The following LRIG3 variants were observed in gnomAD, a reference collection of about 807,000 sequenced individuals.
LRIG3 encodes the protein leucine rich repeats and immunoglobulin like domains 3.
A neutral mutation model predicts 114.5 loss-of-function variants in LRIG3; 76 were observed. That is an observed-to-expected ratio of 0.66 (90% CI 0.55 to 0.80). LRIG3 has a LOEUF of 0.80. Ranked by LOEUF, LRIG3 falls within the 30% of genes least tolerant of loss-of-function variation. The pLI, the probability that LRIG3 is intolerant of heterozygous loss-of-function variation, is 0.00. For missense variants in LRIG3, 1,239 were observed against 1,382.8 expected (o/e 0.90, Z 1.65); for synonymous variants, 512 against 519.8 (o/e 0.98, Z 0.20).
chr12:58,874,886 G>C (rs1204715712), intron 16 of LRIG3, among the ~76,000 whole-genome samples: 2 of 152,192 alleles, frequency 1.3e-5, no homozygotes, highest in African/African-American at 4.8e-5. Context: ...AAAGGTCCCA[G>C]ATGACCAGAA....
Position 58,887,865 on chromosome 12 carries a change from T to C in LRIG3, c.1015A>G (p.Thr339Ala). 1 of 1,613,966 alleles carries C rather than the reference T, an allele frequency of 6.2e-7. No homozygotes were observed. Among genetic ancestry groups the C allele is most frequent in the Non-Finnish European group, 8.5e-7 (1 of 1,179,886 alleles). The change falls in exon 8 of 19, where the codon ACA becomes GCA. Residue 339 changes from threonine to alanine, a missense_variant. Coordinates refer to ENST00000320743, the MANE Select transcript of LRIG3 (RefSeq NM_153377.5). ...ACTCTGTTGTTCCCAATGTGCAGTG[T>C]ATTTAGTAAGCTTAGGCCAAGGAAG... ...SSFLGLSLLNTLHIGNNRVSY... is the reference protein window; with the variant it reads ...SSFLGLSLLNALHIGNNRVSY...
intron 15 of LRIG3, 139 bp downstream of exon 15, chr12:58,877,261 A>C: frequency 2.4e-6 from 2 of 848,762 alleles, no homozygotes; most frequent in Non-Finnish European, 3.6e-6. Flanking sequence ...TTTTTAGCGA[A>C]TCATATTTCT....
intron 3 of LRIG3, among the ~76,000 whole-genome samples, chr12:58,892,079 A>T (rs532468424): frequency 6.6e-6 from 1 of 152,246 alleles, no homozygotes; most frequent in Non-Finnish European, 1.5e-5. Context: ...GTTCTTCAAA[A>T]GTCATCAATC....
rs559594619 is a variant in LRIG3, at chr12:58,878,119, G to C, written c.2084-267C>G. Among the ~76,000 whole-genome samples the C allele has an allele frequency of 1.1e-4, 16 of 152,214 alleles. No individual in the cohort carries two copies. The South Asian group carries it at 3.1e-3, about 30-fold the overall frequency. On this transcript the variant is annotated intron_variant, in intron 14 of 18. Coordinates refer to ENST00000320743, the MANE Select transcript of LRIG3 (RefSeq NM_153377.5). ...TTTTGCAAAAGTCGGGAAGCTGGTAGTAGGGGGGGAGAGTGGGAAACAAAA... is the reference window on the plus strand; with the variant it reads ...TTTTGCAAAAGTCGGGAAGCTGGTACTAGGGGGGGAGAGTGGGAAACAAAA...
chr12:58,897,306 C>G (rs953776694), intron 3 of LRIG3, among the ~76,000 whole-genome samples: 1 of 152,068 alleles, frequency 6.6e-6, no homozygotes, highest in Non-Finnish European at 1.5e-5. Context: ...GTTCTTTCAG[C>G]AAAAAGTCAG....
intron 3 of LRIG3, among the ~76,000 whole-genome samples, chr12:58,895,534 A>T (rs188304260): frequency 3.2e-4 from 48 of 152,236 alleles, no homozygotes; most frequent in Middle Eastern, 3.4e-3. Flanking sequence ...ACGGGTGGAG[A>T]GTGGAGAAAG....
chr12:58,910,532 C>G (rs117904924), intron 3 of LRIG3, among the ~76,000 whole-genome samples: 2 of 152,120 alleles, frequency 1.3e-5, no homozygotes, highest in South Asian at 4.1e-4. Flanking sequence ...GGCATGAACC[C>G]GGGCAGCGGA....
chr12:58,905,172 C>T (rs1387670620), intron 3 of LRIG3, among the ~76,000 whole-genome samples: 1 of 152,070 alleles, frequency 6.6e-6, no homozygotes, highest in Non-Finnish European at 1.5e-5. Flanking sequence ...TTTTTCTTCA[C>T]CTCAGAGCAA....
Position 58,887,832 on chromosome 12 carries a change from T to C in LRIG3, c.1048A>G (p.Ile350Val), listed in dbSNP as rs1453217452. Reference sequence around the variant, plus strand: ...AGCCCCCGGAAGGCACAATCAGCAATGTAGCTGACTCTGTTGTTCCCAATG... The same window carrying C: ...AGCCCCCGGAAGGCACAATCAGCAACGTAGCTGACTCTGTTGTTCCCAATG... ...LHIGNNRVSYIADCAFRGLSS... is the reference protein window; with the variant it reads ...LHIGNNRVSYVADCAFRGLSS... Residue 350 changes from isoleucine to valine, a missense_variant, in exon 8 of 19, where the codon ATT becomes GTT. Transcript: ENST00000320743. 2.5e-6 allele frequency: 4 copies of C among 1,613,800 alleles called. No homozygotes were observed. The highest frequency in any genetic ancestry group is 2.5e-6 in the Non-Finnish European group (3 of 1,179,782).
intron 3 of LRIG3, chr12:58,913,743 A>G: frequency 2.2e-6 from 1 of 454,746 alleles, no homozygotes; most frequent in Non-Finnish European, 3.9e-6. Flanking sequence ...TGAATCTCGA[A>G]GACCAGTTCG....
At chr12:58,884,361 T>C (rs1480064181) in intron 10 of LRIG3, among the ~76,000 whole-genome samples, 2 of 152,080 alleles carry the variant, frequency 1.3e-5, no homozygotes, top group Non-Finnish European at 2.9e-5. Context: ...GGGGTCACAG[T>C]ATACAAAGGG....
intron 1 of LRIG3, among the ~76,000 whole-genome samples, chr12:58,915,280 G>GCATA (rs1872436051): frequency 1.3e-5 from 2 of 152,122 alleles, no homozygotes. Flanking sequence ...CAAATAGTAT[G>GCATA]GCTTGAAGCT....
chr12:58,886,263 C>G, intron 9 of LRIG3, among the ~76,000 whole-genome samples: 1 of 152,054 alleles, frequency 6.6e-6, no homozygotes, highest in South Asian at 2.1e-4. Flanking sequence ...CTCTCCTTCT[C>G]TGTGGATACC....
chr12:58,900,977 G>A (rs867839102), intron 3 of LRIG3, among the ~76,000 whole-genome samples: 39 of 152,114 alleles, frequency 2.6e-4, no homozygotes, highest in African/African-American at 7.2e-4. Flanking sequence ...CCGTGCTGTC[G>A]ACATTTGTAT....
chr12:58,888,013 T>C, intron 7 of LRIG3, 81 bp from the exon 8 acceptor site: 2 of 1,272,674 alleles, frequency 1.6e-6, no homozygotes, highest in Non-Finnish European at 2.2e-6. Context: ...ACAGGTACTG[T>C]ATGAGCTACA....
chr12:58,893,143 C>T (rs1048666417), intron 3 of LRIG3, among the ~76,000 whole-genome samples: 7 of 152,110 alleles, frequency 4.6e-5, no homozygotes, highest in Non-Finnish European at 7.4e-5. Flanking sequence ...GTCAGATGGC[C>T]GACTTTCTGT....
chr12:58,893,750 C>G (rs575064453), intron 3 of LRIG3, among the ~76,000 whole-genome samples: 1 of 152,296 alleles, frequency 6.6e-6, no homozygotes, highest in East Asian at 1.9e-4. Flanking sequence ...GTTTGCATTA[C>G]TAGGATGTCC....
In LRIG3 at chr12:58,880,752, C is replaced by T; in HGVS notation, c.1630G>A (p.Ala544Thr). ...AGGTGTGCATAATTTTCCATTTCAGCATCATGCAGTAGTTCATTGTCTTTT... is the reference window on the plus strand; with the variant it reads ...AGGTGTGCATAATTTTCCATTTCAGTATCATGCAGTAGTTCATTGTCTTTT... ...WKKDNELLHD[A>T]EMENYAHLRA... The change falls in exon 13 of 19, where the codon GCT (alanine) becomes ACT (threonine). Residue 544 changes from alanine to threonine, a missense_variant. Coordinates refer to ENST00000320743, the MANE Select transcript of LRIG3 (RefSeq NM_153377.5). 6.2e-7 allele frequency: 1 copy of T among 1,614,232 alleles called. No homozygotes were observed. Among genetic ancestry groups the T allele is most frequent in the Non-Finnish European group, 8.5e-7 (1 of 1,180,052 alleles).
At chr12:58,873,530 C>G (rs1285406492) in intron 18 of LRIG3, 1 of 159,772 alleles carries the variant, frequency 6.3e-6, no homozygotes, top group Non-Finnish European at 1.4e-5. Flanking sequence ...ACTACCTAAT[C>G]TCAGTGCCAG....
Sources: allele counts gnomAD v4.1 joint callset (sites outside exome capture counted in the v4.1 genomes callset), GRCh38; gene constraint gnomAD v4.1.1; transcripts MANE v1.5; gene names NCBI Gene and HGNC (gene_info 2026-07-23, HGNC 2026-07-21).